The following STRN3 variants were observed in gnomAD, a reference collection of about 807,000 sequenced individuals.
The protein encoded by STRN3 is striatin-3.
In STRN3, 29 loss-of-function variants were observed where a neutral mutation model predicts 95.6. That is an observed-to-expected ratio of 0.30 (90% CI 0.23 to 0.41). The LOEUF (loss-of-function observed/expected upper bound fraction) is 0.41. Among genes scored for constraint, STRN3 ranks in the 10% least tolerant of loss-of-function variants. The pLI is 1.00. For synonymous variants in STRN3, 331 were observed against 357.6 expected (o/e 0.93, Z 0.84); for missense variants, 890 against 972.1 (o/e 0.92, Z 1.12).
intron 1 of STRN3, among the ~76,000 whole-genome samples, chr14:30,979,136 C>T (rs918788521): frequency 6.9e-6 from 1 of 144,562 alleles, no homozygotes; most frequent in Non-Finnish European, 1.5e-5. Context: ...TAGTAATAAA[C>T]ATTTAGATTT....
At chr14:30,999,317 G>A (rs1882341345) in intron 1 of STRN3, among the ~76,000 whole-genome samples, 2 of 152,190 alleles carry the variant, frequency 1.3e-5, no homozygotes, top group African/African-American at 4.8e-5. Context: ...GAAGTGCTGG[G>A]ATTACAGGCA....
chr14:31,018,320 C>A, intron 1 of STRN3: 1 of 262,122 alleles, frequency 3.8e-6, no homozygotes, highest in Non-Finnish European at 7.4e-6. Context: ...CACCATGTTG[C>A]ATTCATCTCT....
rs548749075 is a variant in STRN3 at position 30,990,256 on chromosome 14, G to A, written c.283-34014C>T. Reference sequence around the variant, plus strand: ...CGGCTCACTGCAAGCTCTGCCTCTCGGGTTCATGCCATTCTCCTGCCTCAG... The same window carrying A: ...CGGCTCACTGCAAGCTCTGCCTCTCAGGTTCATGCCATTCTCCTGCCTCAG... On this transcript the variant is annotated intron_variant, in intron 1 of 17. Transcript: ENST00000357479. 2.8e-4 allele frequency among the ~76,000 whole-genome samples: 42 copies of A among 150,774 alleles called. 1 individual carries two copies. Among genetic ancestry groups the A allele is most frequent in the South Asian group, 8.4e-4 (4 of 4,766 alleles).
chr14:30,929,977 A>AAAAAAACAAAAAAAAAC (rs1878445572), intron 7 of STRN3, among the ~76,000 whole-genome samples: 1 of 150,078 alleles, frequency 6.7e-6, no homozygotes, highest in Non-Finnish European at 1.5e-5. Context: ...AAAAAAAAAA[A>AAAAAAACAAAAAAAAAC]AACTCAAATT....
chr14:31,021,986 A>AT (rs1329163646), intron 1 of STRN3, among the ~76,000 whole-genome samples: 3 of 152,144 alleles, frequency 2.0e-5, no homozygotes, highest in Non-Finnish European at 4.4e-5. Context: ...TATCAATAAA[A>AT]TTTTTTTAAC....
intron 1 of STRN3, among the ~76,000 whole-genome samples, chr14:30,973,334 G>C (rs1472766161): frequency 2.0e-5 from 3 of 151,456 alleles, no homozygotes; most frequent in Admixed American, 2.0e-4. Flanking sequence ...CCCTTTAGGT[G>C]GGGGGGAGGG....
intron 1 of STRN3, among the ~76,000 whole-genome samples, chr14:30,989,304 C>G (rs182822610): frequency 2.4e-4 from 36 of 152,244 alleles, no homozygotes; most frequent in Admixed American, 6.5e-4. Context: ...GGCACCCATA[C>G]CTGGAAGAGA....
intron 1 of STRN3, among the ~76,000 whole-genome samples, chr14:30,957,120 T>TG (rs1341840538): frequency 6.6e-6 from 1 of 151,234 alleles, no homozygotes; most frequent in East Asian, 2.0e-4. Flanking sequence ...ATGGTGCCAC[T>TG]GCATTCCAGC....
At chr14:30,908,177 C>T (rs888824463) in intron 13 of STRN3, among the ~76,000 whole-genome samples, 4 of 152,132 alleles carry the variant, frequency 2.6e-5, no homozygotes, top group Non-Finnish European at 5.9e-5. Flanking sequence ...CACAAATTCT[C>T]CTCCTTGGAA....
At chr14:30,925,468 C>T (rs1897004921) in intron 8 of STRN3, among the ~76,000 whole-genome samples, 1 of 151,900 alleles carries the variant, frequency 6.6e-6, no homozygotes, top group Non-Finnish European at 1.5e-5. Flanking sequence ...AGTTTTCTTC[C>T]CTCTAAGAAG....
At position 30,947,234 on chromosome 14, in the gene STRN3, G is replaced by T. The variant is rs1395143556; in HGVS notation, c.572C>A (p.Thr191Lys). 1 of 1,605,918 alleles carries T rather than the reference G, an allele frequency of 6.2e-7. No individual in the cohort carries two copies. The highest frequency in any genetic ancestry group is 2.2e-5 in the East Asian group (1 of 44,490). The change falls in exon 5 of 18, where the codon ACA becomes AAA. Residue 191 changes from threonine (T) to lysine (K), a missense_variant. Transcript: ENST00000357479. The stretch of plus-strand genomic sequence containing the variant: ...CCGCTGAGACCGTACATCTAATATT[G>T]TATCTGTATAACCTACTTCCTGAAG... ...QYLQEVGYTD[T>K]ILDVRSQRVR...
chr14:30,994,841 T>C (rs1459319146), intron 1 of STRN3, among the ~76,000 whole-genome samples: 1 of 152,206 alleles, frequency 6.6e-6, no homozygotes, highest in African/African-American at 2.4e-5. Context: ...TATTACAAAA[T>C]AATTTGGTCA....
chr14:30,898,511 C>A (rs1896217796), intron 16 of STRN3, among the ~76,000 whole-genome samples: 1 of 152,244 alleles, frequency 6.6e-6, no homozygotes, highest in Non-Finnish European at 1.5e-5. Context: ...TTCTTCTCCA[C>A]AGAGTCACAA....
chr14:30,946,559 A>T (rs562490133), intron 5 of STRN3, among the ~76,000 whole-genome samples: 1 of 152,234 alleles, frequency 6.6e-6, no homozygotes, highest in Admixed American at 6.5e-5. Context: ...ACAAACACCA[A>T]CTTAACATAG....
chr14:30,981,576 TCACACA>T (rs34644271), intron 1 of STRN3, among the ~76,000 whole-genome samples: 28 of 145,296 alleles, frequency 1.9e-4, no homozygotes, highest in Non-Finnish European at 3.8e-4. Flanking sequence ...AGCTTAGAAT[TCACACA>T]CACACACACA....
At chr14:30,947,027 G>T (rs1331173667) in intron 5 of STRN3, 63 bp downstream of exon 5, 32 of 1,071,526 alleles carry the variant, frequency 3.0e-5, no homozygotes, top group Non-Finnish European at 3.4e-5. Flanking sequence ...AGGAGCTAAA[G>T]AGATTAACAA....
intron 5 of STRN3, among the ~76,000 whole-genome samples, chr14:30,937,101 G>A (rs1878860913): frequency 6.6e-6 from 1 of 151,892 alleles, no homozygotes; most frequent in South Asian, 2.1e-4. Context: ...GGGGAAGATC[G>A]CTTGAGCCTA....
intron 8 of STRN3, among the ~76,000 whole-genome samples, chr14:30,921,065 T>TACACACACACACACAC (rs1374593800): frequency 2.2e-4 from 20 of 89,252 alleles, no homozygotes; most frequent in African/African-American, 7.3e-4. Context: ...TTTCTACACA[T>TACACACACACACACAC]ACATATACAC....
At chr14:31,020,105 A>C (rs1883433707) in intron 1 of STRN3, among the ~76,000 whole-genome samples, 1 of 152,166 alleles carries the variant, frequency 6.6e-6, no homozygotes, top group South Asian at 2.1e-4. Context: ...TTCTTTGTAC[A>C]ATTAGGTATT....
Sources: gnomAD v4.1 joint callset for allele counts (sites outside exome capture counted in the v4.1 genomes callset) on GRCh38, gnomAD v4.1.1 for gene constraint, MANE v1.5 for transcripts, NCBI Gene and HGNC (gene_info 2026-07-23, HGNC 2026-07-21) for gene names.